RTN4: variants seen among roughly 807,000 people sequenced by gnomAD.
RTN4 encodes the protein reticulon-4.
RTN4 carries 32 observed loss-of-function variants against 90.4 expected under a neutral mutation model. The ratio of observed to expected loss-of-function variants is 0.35; its 90% CI spans 0.27 to 0.48. The LOEUF (loss-of-function observed/expected upper bound fraction) is 0.48, where lower values mean the gene tolerates loss of function less well. RTN4 is among the 20% of genes least tolerant of loss of function. The pLI is 0.99. For synonymous variants in RTN4, 629 were observed against 552.5 expected (o/e 1.14, Z -1.94); for missense variants, 1,706 against 1,430.2 (o/e 1.19, Z -3.11).
the RTN4 span, among the ~76,000 whole-genome samples, chr2:55,125,762 T>C: frequency 6.6e-6 from 1 of 151,750 alleles, no homozygotes; most frequent in Non-Finnish European, 1.5e-5. Flanking sequence ...CAAGACTCTG[T>C]CTCAAAAATT....
chr2:55,115,887 T>G (rs78813585), upstream of RTN4, among the ~76,000 whole-genome samples: 71 of 152,278 alleles, frequency 4.7e-4, no homozygotes, highest in African/African-American at 1.6e-3. Context: ...TTTTTAACCC[T>G]TGAAACATTT....
At chr2:55,124,261 A>G in the RTN4 span, among the ~76,000 whole-genome samples, 89 of 152,328 alleles carry the variant, frequency 5.8e-4, no homozygotes, top group African/African-American at 2.0e-3. Flanking sequence ...TGAGGCCCCA[A>G]CAACCAGTTT....
chr2:55,027,584 C>T (rs1335327797), intron 2 of RTN4, 99 bp from the exon 3 acceptor site: 1 of 1,217,958 alleles, frequency 8.2e-7, no homozygotes, highest in Non-Finnish European at 1.1e-6. Flanking sequence ...TAAAGACTTA[C>T]TGTTTACTAA....
At chr2:55,030,197 AT>A (rs1027563293) in intron 1 of RTN4, among the ~76,000 whole-genome samples, 3 of 152,100 alleles carry the variant, frequency 2.0e-5, no homozygotes, top group South Asian at 2.1e-4. Context: ...ATTTTAAAGT[AT>A]TTTTTTAATG....
intron 3 of RTN4, among the ~76,000 whole-genome samples, chr2:55,015,956 C>G (rs1408948720): frequency 2.6e-5 from 4 of 151,942 alleles, no homozygotes; most frequent in Admixed American, 1.3e-4. Context: ...TTATACAAAC[C>G]CTTATAAATG....
rs984694841 is a variant in RTN4 at position 54,987,765 on chromosome 2, G to A, written c.3014-67C>T. ...ATCAATTTGGATTTGCTCCATCTATGAAAACAAAAACGCTACTACATAAAG... is the reference window on the plus strand; with the variant it reads ...ATCAATTTGGATTTGCTCCATCTATAAAAACAAAAACGCTACTACATAAAG... On this transcript the variant is annotated intron_variant, in intron 3 of 8. Coordinates refer to ENST00000337526, the MANE Select transcript of RTN4 (RefSeq NM_020532.5). 9.4e-6 allele frequency: 13 copies of A among 1,377,992 alleles called. No individual in the cohort carries two copies. The Admixed American group carries it at 1.0e-4, about 11-fold the overall frequency. The allele number at this position is 1,377,992 out of a possible 1,614,324, so 85.4% of individuals were successfully genotyped here.
chr2:54,988,347 A>C lies in RTN4; in HGVS notation c.3014-649T>G, dbSNP rs111230848. On this transcript the variant is annotated intron_variant, in intron 3 of 8. Coordinates refer to ENST00000337526, the MANE Select transcript of RTN4 (RefSeq NM_020532.5). The stretch of plus-strand genomic sequence containing the variant: ...AAATCATCTTGGGGTTTTTCATCTC[A>C]TACAATGCATGCTATATATTCAAAT... Among the ~76,000 whole-genome samples, 676 of 152,280 alleles carry C rather than the reference A, an allele frequency of 4.4e-3. 5 individuals carry two copies. The highest frequency in any genetic ancestry group is 0.015 in the African/African-American group (614 of 41,554).
chr2:55,072,522 C>A (rs1668534776), intron 2 of RTN4, among the ~76,000 whole-genome samples: 1 of 152,222 alleles, frequency 6.6e-6, no homozygotes. Context: ...AGCCACCGCA[C>A]CCGGCCCAGT....
At position 54,973,575 on chromosome 2, in the gene RTN4, T is replaced by C; in HGVS notation, c.3524A>G (p.Asp1175Gly). The C allele has an allele frequency of 6.2e-7, 1 of 1,608,378 alleles. No homozygotes were observed. Among genetic ancestry groups the C allele is most frequent in the Non-Finnish European group, 8.5e-7 (1 of 1,174,878 alleles). The part of the protein sequence containing the change: ...YLGLANKNVK[D>G]AMAKIQAKIP... ...TTTAAATACTTACTTAGCCATAGCA[T>C]CTTTAACATTCTTATTTGCAAGTCC... The change falls in exon 8 of 9, where the codon GAT becomes GGT. Residue 1175 changes from aspartate to glycine, a missense_variant. Asp to Gly is a moderately conservative substitution (Grantham distance 94). Transcript: ENST00000337526.
chr2:54,979,327 G>A (rs1450738562), intron 5 of RTN4, among the ~76,000 whole-genome samples: 1 of 152,040 alleles, frequency 6.6e-6, no homozygotes, highest in Non-Finnish European at 1.5e-5. Flanking sequence ...CAAAGTGCTG[G>A]GATTACAGGC....
chr2:55,022,455 TG>T (rs748233535), intron 3 of RTN4, among the ~76,000 whole-genome samples: 5 of 152,180 alleles, frequency 3.3e-5, no homozygotes, highest in Non-Finnish European at 7.3e-5. Context: ...GGTTTCCCTG[TG>T]GAACTTGCTA....
chr2:55,039,993 G>A (rs994888645), intron 1 of RTN4, among the ~76,000 whole-genome samples: 1 of 152,144 alleles, frequency 6.6e-6, no homozygotes, highest in Non-Finnish European at 1.5e-5. Context: ...AAGTTTGGTT[G>A]ATGAGAGAGG....
At chr2:54,975,485 G>T (rs1573260758) in intron 5 of RTN4, among the ~76,000 whole-genome samples, 1 of 152,128 alleles carries the variant, frequency 6.6e-6, no homozygotes, top group East Asian at 1.9e-4. Flanking sequence ...TCTAAAGCGG[G>T]GATCAGCAAA....
Position 55,026,035 on chromosome 2 carries a change from T to TTC in RTN4, c.2063_2064insGA (p.Glu689LysfsTer14), listed in dbSNP as rs775468780. 6.2e-7 allele frequency: 1 copy of TTC among 1,611,376 alleles called. No homozygotes were observed. The highest frequency in any genetic ancestry group is 8.5e-7 in the Non-Finnish European group (1 of 1,179,358). On this transcript the variant is annotated frameshift_variant, in exon 3 of 9. Coordinates refer to ENST00000337526, the MANE Select transcript of RTN4 (RefSeq NM_020532.5). LOFTEE classifies it high-confidence loss of function. ...TAGATATATAAGGAGCTTCTGTTTCTTGAAGAGCTGCATTAATATTTTCAG... is the reference window on the plus strand; with the variant it reads ...TAGATATATAAGGAGCTTCTGTTTCTTCTGAAGAGCTGCATTAATATTTTCAG...
At position 55,093,319 on chromosome 2, in the gene RTN4, C is replaced by A. The variant is rs1242696781; in HGVS notation, c.-213-12680G>T. Among the ~76,000 whole-genome samples, 4 of 151,444 alleles carry A rather than the reference C, an allele frequency of 2.6e-5. No homozygotes were observed. The South Asian group carries it at 6.3e-4, about 24-fold the overall frequency. On this transcript the variant is annotated intron_variant, in intron 1 of 3. Transcript: ENST00000427710. ...TCTAAATGGCTAAATGCATGTATAC[C>A]TGTATGTTGTTTTATTTACAAACAC...
chr2:55,025,803 G>A lies in RTN4; in HGVS notation c.2296C>T (p.Leu766Phe). 1.2e-6 allele frequency: 2 copies of A among 1,613,524 alleles called. No homozygotes were observed. Among genetic ancestry groups the A allele is most frequent in the Non-Finnish European group, 1.7e-6 (2 of 1,179,782 alleles). ...VPQKQDETVM[L>F]VKESLTETSF... ...GTCTCAGTGAGACTTTCTTTCACAAGCATCACAGTTTCATCTTGTTTTTGT... is the reference window on the plus strand; with the variant it reads ...GTCTCAGTGAGACTTTCTTTCACAAACATCACAGTTTCATCTTGTTTTTGT... The change falls in exon 3 of 9, where the codon CTT (leucine) becomes TTT (phenylalanine). Residue 766 changes from leucine (L) to phenylalanine (F), a missense_variant. Coordinates refer to ENST00000337526, the MANE Select transcript of RTN4 (RefSeq NM_020532.5).
the RTN4 span, among the ~76,000 whole-genome samples, chr2:55,136,062 T>A: frequency 6.6e-6 from 1 of 152,144 alleles, no homozygotes; most frequent in African/African-American, 2.4e-5. Context: ...AAAATAATAA[T>A]TGGTCACAGC....
intron 3 of RTN4, among the ~76,000 whole-genome samples, chr2:55,013,695 C>T (rs1475185367): frequency 2.0e-5 from 3 of 151,868 alleles, no homozygotes; most frequent in South Asian, 2.1e-4. Context: ...TTAGAACAGG[C>T]AGCACTAGGC....
intron 2 of RTN4, among the ~76,000 whole-genome samples, chr2:55,078,927 C>A (rs561452150): frequency 2.0e-5 from 3 of 152,108 alleles, no homozygotes; most frequent in Admixed American, 6.5e-5. Context: ...ATCTGACCAT[C>A]CTTGGGAATA....
Sources: allele counts gnomAD v4.1 joint callset (sites outside exome capture counted in the v4.1 genomes callset), GRCh38; gene constraint gnomAD v4.1.1; transcripts MANE v1.5; gene names NCBI Gene and HGNC (gene_info 2026-07-23, HGNC 2026-07-21).